Variants in JMJD1C observed in about 807,000 individuals in gnomAD.
JMJD1C encodes jumonji domain-containing protein 1C.
Under a neutral mutation model 245.3 loss-of-function variants are expected in JMJD1C, and 31 were observed. The observed-to-expected ratio is 0.13, with a 90% CI of 0.09 to 0.17. The LOEUF is 0.17. JMJD1C is among the 10% of genes least tolerant of loss of function. JMJD1C has a pLI of 1.00. For missense variants in JMJD1C, 2,691 were observed against 3,000.2 expected, an observed-to-expected ratio of 0.90 and a Z score of 2.41; for synonymous variants, 1,057 against 1,017.4, an observed-to-expected ratio of 1.04 and a Z score of -0.74.
chr10:63,438,066 CCTCTCCCT>C (rs1438443146), intron 1 of JMJD1C, among the ~76,000 whole-genome samples: 1 of 152,126 alleles, frequency 6.6e-6, no homozygotes, highest in Non-Finnish European at 1.5e-5. Flanking sequence ...CCAGCCTAGA[CCTCTCCCT>C]TTAACTAACA....
At chr10:63,411,856 G>A (rs1949504534) in intron 1 of JMJD1C, among the ~76,000 whole-genome samples, 1 of 151,268 alleles carries the variant, frequency 6.6e-6, no homozygotes, top group African/African-American at 2.4e-5. Context: ...ACCTACCTTG[G>A]CCTCCCAAAG....
At chr10:63,254,633 T>C (rs1026466891) in intron 3 of JMJD1C, among the ~76,000 whole-genome samples, 2 of 152,070 alleles carry the variant, frequency 1.3e-5, no homozygotes, top group African/African-American at 4.8e-5. Context: ...CTTGACCTCC[T>C]GGGCTCAAGC....
At chr10:63,309,541 G>A (rs1938844441) in intron 2 of JMJD1C, among the ~76,000 whole-genome samples, 2 of 140,664 alleles carry the variant, frequency 1.4e-5, no homozygotes, top group Admixed American at 7.1e-5. Context: ...CCTCTAAGAT[G>A]ATAATAAAGG....
At chr10:63,184,239 ATTTTTTTT>A (rs34600901) in intron 21 of JMJD1C, among the ~76,000 whole-genome samples, 1 of 131,392 alleles carries the variant, frequency 7.6e-6, no homozygotes, top group South Asian at 2.5e-4. Flanking sequence ...TTGAACAGAA[ATTTTTTTT>A]TTTTTTTTTT....
In JMJD1C at chr10:63,238,006, T is replaced by TAAA. The variant is rs35736445; in HGVS notation, c.448-18026_448-18024dup. ...CAACACAGTGAAACCCCGTCTCTAC[T>TAAA]AAAAAAAAAAAAAAAAAAAAAAAAA... On this transcript the variant is annotated intron_variant, in intron 3 of 25. Transcript: ENST00000399262. Among the ~76,000 whole-genome samples the TAAA allele has an allele frequency of 1.3e-3, 36 of 27,614 alleles. 4 individuals are homozygous for TAAA. Among genetic ancestry groups the TAAA allele is most frequent in the African/African-American group, 4.7e-3 (29 of 6,168 alleles). 18.1% of individuals were successfully genotyped at this position (27,614 alleles called of 152,430 possible).
At chr10:63,353,534 T>C (rs964382498) in intron 2 of JMJD1C, among the ~76,000 whole-genome samples, 4 of 152,166 alleles carry the variant, frequency 2.6e-5, no homozygotes, top group African/African-American at 9.7e-5. Context: ...TGTTTTTTGG[T>C]TGAGACAGTC....
At chr10:63,501,731 G>A (rs192592362) in intron 1 of JMJD1C, among the ~76,000 whole-genome samples, 18 of 152,050 alleles carry the variant, frequency 1.2e-4, no homozygotes, top group African/African-American at 1.2e-4. Flanking sequence ...AGCCAAGGTC[G>A]CGCCACTGCA....
At chr10:63,429,180 A>G (rs1950608631) in intron 1 of JMJD1C, among the ~76,000 whole-genome samples, 1 of 152,064 alleles carries the variant, frequency 6.6e-6, no homozygotes, top group Non-Finnish European at 1.5e-5. Flanking sequence ...GGGTTTCTTC[A>G]TGATGGCAGG....
At chr10:63,467,996 CT>C (rs1953368574), upstream of JMJD1C, among the ~76,000 whole-genome samples, 1 of 152,156 alleles carries the variant, frequency 6.6e-6, no homozygotes, top group Admixed American at 6.5e-5. Flanking sequence ...TGCTAGTTGC[CT>C]TATATAAAAC....
chr10:63,192,849 A>G, intron 16 of JMJD1C, 89 bp downstream of exon 16: 2 of 987,712 alleles, frequency 2.0e-6, no homozygotes, highest in Non-Finnish European at 3.1e-6. Context: ...TTACCTCAAT[A>G]TTAACAGTAC....
At chr10:63,268,040 T>G (rs1352195503) in intron 2 of JMJD1C, among the ~76,000 whole-genome samples, 1 of 151,866 alleles carries the variant, frequency 6.6e-6, no homozygotes, top group Admixed American at 6.6e-5. Flanking sequence ...ATTTCACATT[T>G]AACAGGAAAT....
In JMJD1C at chr10:63,206,711, T is replaced by C. The variant is rs747796486; in HGVS notation, c.4958A>G (p.Lys1653Arg). ...KRQPKPTYKK[K>R]QNDLQKRKGE... ...TTTTCTCTTTTGCAAATCATTTTGC[T>C]TCTTTTTGTAAGTTGGCTTAGGTTG... The change falls in exon 10 of 26, where the codon AAG becomes AGG. Residue 1653 changes from lysine to arginine, a missense_variant. Transcript: ENST00000399262. The C allele has an allele frequency of 6.2e-7, 1 of 1,613,998 alleles. No homozygotes were observed. Among genetic ancestry groups the C allele is most frequent in the Non-Finnish European group, 8.5e-7 (1 of 1,179,982 alleles).
chr10:63,178,066 A>C (rs1165624822), intron 22 of JMJD1C, among the ~76,000 whole-genome samples: 1 of 152,014 alleles, frequency 6.6e-6, no homozygotes, highest in Non-Finnish European at 1.5e-5. Context: ...TCAGCCTCTC[A>C]AGTAGCTGGG....
intron 1 of JMJD1C, among the ~76,000 whole-genome samples, chr10:63,474,186 A>C (rs751223711): frequency 3.9e-5 from 6 of 152,180 alleles, no homozygotes; most frequent in Non-Finnish European, 7.3e-5. Flanking sequence ...AAATCATACC[A>C]TTTGACTCAG....
chr10:63,213,188 A>AT (rs1165238934), intron 8 of JMJD1C, among the ~76,000 whole-genome samples: 3 of 150,568 alleles, frequency 2.0e-5, no homozygotes, highest in Non-Finnish European at 4.4e-5. Flanking sequence ...CCATCTCAAA[A>AT]AAAAAAAAAA....
intron 2 of JMJD1C, among the ~76,000 whole-genome samples, chr10:63,277,687 AC>A (rs372640820): frequency 9.1e-4 from 136 of 150,134 alleles, no homozygotes; most frequent in African/African-American, 3.2e-3. Flanking sequence ...AAACAAATTG[AC>A]CAAGTAAGAG....
chr10:63,445,481 A>C (rs1951658240), intron 1 of JMJD1C, among the ~76,000 whole-genome samples: 1 of 152,330 alleles, frequency 6.6e-6, no homozygotes, highest in Non-Finnish European at 1.5e-5. Context: ...ACCAGACCTG[A>C]CATGTTCAAG....
At chr10:63,342,692 T>C (rs995475751) in intron 2 of JMJD1C, among the ~76,000 whole-genome samples, 1 of 152,240 alleles carries the variant, frequency 6.6e-6, no homozygotes, top group Non-Finnish European at 1.5e-5. Context: ...TGATATTTCA[T>C]ATTTTTACTG....
In JMJD1C at chr10:63,191,118, A is replaced by C. The variant is rs753338743; in HGVS notation, c.6077-10T>G. 1 of 1,594,168 alleles carries C rather than the reference A, an allele frequency of 6.3e-7. No individual in the cohort carries two copies. The highest frequency in any genetic ancestry group is 1.7e-5 in the Admixed American group (1 of 59,712). On this transcript the variant is annotated splice_polypyrimidine_tract_variant and intron_variant, in intron 16 of 25. Coordinates refer to ENST00000399262, the MANE Select transcript of JMJD1C (RefSeq NM_032776.3). ...GTAAGTTCTTTGTTTTCTGAAATAG[A>C]AAATTTCACAGATTTTGTTTTGTTT...
Sources: allele counts gnomAD v4.1 joint callset (sites outside exome capture counted in the v4.1 genomes callset), GRCh38; gene constraint gnomAD v4.1.1; transcripts MANE v1.5; gene names NCBI Gene and HGNC (gene_info 2026-07-23, HGNC 2026-07-21).